Variants in SDCCAG8 observed in about 807,000 individuals in gnomAD.
SDCCAG8 encodes the protein serologically defined colon cancer antigen 8.
SDCCAG8 carries 74 observed loss-of-function variants against 101.8 expected under a neutral mutation model. The ratio of observed to expected loss-of-function variants is 0.73; its 90% CI spans 0.60 to 0.88. The LOEUF (loss-of-function observed/expected upper bound fraction) is 0.88. SDCCAG8 is among the 40% of genes least tolerant of loss of function. The pLI, the probability that SDCCAG8 is intolerant of heterozygous loss-of-function variation, is 0.00. For synonymous variants in SDCCAG8, 281 were observed against 292.9 expected (o/e 0.96, Z 0.41); for missense variants, 787 against 822.6 (o/e 0.96, Z 0.53).
chr1:243,286,123 G>C (rs1473112759), intron 4 of SDCCAG8, 149 bp from the exon 5 acceptor site: 1 of 819,766 alleles, frequency 1.2e-6, no homozygotes. Flanking sequence ...CTAATGTTAG[G>C]CTGCCTTGTT....
intron 12 of SDCCAG8, among the ~76,000 whole-genome samples, chr1:243,345,617 T>C (rs753705852): frequency 1.3e-5 from 2 of 152,212 alleles, no homozygotes; most frequent in Non-Finnish European, 2.9e-5. Context: ...TGGCCTTTCG[T>C]ATTATTCTAC....
intron 16 of SDCCAG8, among the ~76,000 whole-genome samples, chr1:243,460,437 C>G (rs1658846420): frequency 6.6e-6 from 1 of 152,174 alleles, no homozygotes; most frequent in Non-Finnish European, 1.5e-5. Context: ...CACTCACAGT[C>G]CACCCAACTC....
At chr1:243,266,220 T>C (rs1213993341) in intron 1 of SDCCAG8, among the ~76,000 whole-genome samples, 3 of 152,192 alleles carry the variant, frequency 2.0e-5, no homozygotes, top group African/African-American at 4.8e-5. Context: ...ATTAAGTATA[T>C]GCACCACACT....
At chr1:243,294,705 C>CG (rs796202062) in intron 6 of SDCCAG8, among the ~76,000 whole-genome samples, 19 of 65,348 alleles carry the variant, frequency 2.9e-4, no homozygotes, top group African/African-American at 6.5e-4. Context: ...TTCCCCCCCC[C>CG]CCCCACAGCT....
intron 13 of SDCCAG8, among the ~76,000 whole-genome samples, chr1:243,406,037 T>C (rs540066747): frequency 6.6e-6 from 1 of 152,312 alleles, no homozygotes; most frequent in Admixed American, 6.5e-5. Flanking sequence ...TTGATCCTAC[T>C]GATACCTGAT....
intron 12 of SDCCAG8, among the ~76,000 whole-genome samples, chr1:243,370,339 T>C (rs1337760058): frequency 6.6e-6 from 1 of 152,156 alleles, no homozygotes; most frequent in Non-Finnish European, 1.5e-5. Context: ...GCAGATTTAA[T>C]GAATGGCCTG....
At position 243,267,197 on chromosome 1, in the gene SDCCAG8, C is replaced by G. The variant is rs556734940; in HGVS notation, c.68-2908C>G. 7.4e-5 allele frequency: 12 copies of G among 161,486 alleles called. No individual in the cohort carries two copies. In the South Asian group the frequency reaches 1.3e-3, roughly 18 times the overall value. 10.0% of individuals were successfully genotyped at this position (161,486 alleles called of 1,614,324 possible). ...GGCGGAGGTTGTAGTGAGTGAAGATCGCACCACTACACTGCAGCCTGGGCG... is the reference window on the plus strand; with the variant it reads ...GGCGGAGGTTGTAGTGAGTGAAGATGGCACCACTACACTGCAGCCTGGGCG... On this transcript the variant is annotated intron_variant, in intron 1 of 17. Coordinates refer to ENST00000366541, the MANE Select transcript of SDCCAG8 (RefSeq NM_006642.5).
intron 8 of SDCCAG8, among the ~76,000 whole-genome samples, chr1:243,312,358 C>T (rs1344911699): frequency 6.6e-6 from 1 of 152,206 alleles, no homozygotes; most frequent in Non-Finnish European, 1.5e-5. Flanking sequence ...CAGCTTTCAG[C>T]TCCTTTGTTG....
At chr1:243,291,435 G>A (rs1467319664) in intron 5 of SDCCAG8, among the ~76,000 whole-genome samples, 1 of 152,184 alleles carries the variant, frequency 6.6e-6, no homozygotes, top group Admixed American at 6.5e-5. Context: ...CCACATGGCA[G>A]TGATTGACTG....
chr1:243,385,084 G>T (rs1464919240), intron 13 of SDCCAG8, among the ~76,000 whole-genome samples: 2 of 152,086 alleles, frequency 1.3e-5, no homozygotes, highest in East Asian at 3.9e-4. Context: ...GGCTAGCGGG[G>T]AAGAGAAGAA....
intron 16 of SDCCAG8, among the ~76,000 whole-genome samples, chr1:243,436,983 T>G (rs754175770): frequency 6.6e-6 from 1 of 152,152 alleles, no homozygotes; most frequent in Non-Finnish European, 1.5e-5. Context: ...CCTGAAAAAT[T>G]TCTTCCATAT....
rs1321685627 is a variant in SDCCAG8, at chr1:243,426,439, T to C, written c.1866T>C (p.Ala622=). Reference sequence around the variant, plus strand: ...TTTTCACCTCTAGATCTGAAATAGCTCAACTCAGTCAAGAAAAAAGGTATA... The same window carrying C: ...TTTTCACCTCTAGATCTGAAATAGCCCAACTCAGTCAAGAAAAAAGGTATA... ...QISQKTRSEI[A]QLSQEKRYTY... Residue 622 remains alanine (A), a synonymous_variant, in exon 16 of 18, where the codon GCT becomes GCC. Transcript: ENST00000366541. 1 of 1,613,424 alleles carries C rather than the reference T, an allele frequency of 6.2e-7. No individual in the cohort carries two copies. The highest frequency in any genetic ancestry group is 8.5e-7 in the Non-Finnish European group (1 of 1,179,536).
At chr1:243,338,403 T>TA (rs1275850315) in intron 10 of SDCCAG8, among the ~76,000 whole-genome samples, 2 of 152,136 alleles carry the variant, frequency 1.3e-5, no homozygotes, top group African/African-American at 2.4e-5. Context: ...ATGTTTTTTT[T>TA]ATTCCTCCCT....
intron 13 of SDCCAG8, among the ~76,000 whole-genome samples, chr1:243,389,579 T>G (rs370306544): frequency 8.5e-4 from 129 of 152,320 alleles, no homozygotes; most frequent in African/African-American, 2.5e-3. Context: ...GAGCTTTTTT[T>G]GGGGGAGTAT....
At chr1:243,408,421 C>T (rs1052602148) in intron 13 of SDCCAG8, among the ~76,000 whole-genome samples, 4 of 152,028 alleles carry the variant, frequency 2.6e-5, no homozygotes, top group Admixed American at 1.3e-4. Flanking sequence ...TATATGTCTT[C>T]GAGAAGGACA....
chr1:243,330,774 C>A, intron 10 of SDCCAG8, 82 bp downstream of exon 10: 2 of 1,343,046 alleles, frequency 1.5e-6, no homozygotes, highest in Non-Finnish European at 2.1e-6. Flanking sequence ...GGCTGGAGTT[C>A]TTGAATGAAC....
At chr1:243,266,118 G>A (rs2067564655) in intron 1 of SDCCAG8, among the ~76,000 whole-genome samples, 1 of 151,974 alleles carries the variant, frequency 6.6e-6, no homozygotes, top group Non-Finnish European at 1.5e-5. Flanking sequence ...GATACAATGT[G>A]GAATAATTAA....
chr1:243,279,622 C>T (rs1236039101), intron 4 of SDCCAG8, among the ~76,000 whole-genome samples: 1 of 152,160 alleles, frequency 6.6e-6, no homozygotes, highest in Non-Finnish European at 1.5e-5. Context: ...AGATGGCTGC[C>T]GCATTTTGTC....
intron 13 of SDCCAG8, among the ~76,000 whole-genome samples, chr1:243,408,871 T>G (rs1050587607): frequency 6.6e-6 from 1 of 152,238 alleles, no homozygotes; most frequent in African/African-American, 2.4e-5. Flanking sequence ...TAGTAATTAG[T>G]AGCTTCTTAA....
Sources: gnomAD v4.1 joint callset for allele counts (sites outside exome capture counted in the v4.1 genomes callset) on GRCh38, gnomAD v4.1.1 for gene constraint, MANE v1.5 for transcripts, NCBI Gene and HGNC (gene_info 2026-07-23, HGNC 2026-07-21) for gene names.